The following LYST variants were observed in gnomAD, a reference collection of about 807,000 sequenced individuals.
The protein encoded by LYST is lysosomal-trafficking regulator.
A neutral mutation model predicts 413.6 loss-of-function variants in LYST; 192 were observed. The observed-to-expected ratio is 0.46, with a 90% confidence interval of 0.41 to 0.52. The LOEUF (loss-of-function observed/expected upper bound fraction) is 0.52, where lower values mean the gene tolerates loss of function less well. Among genes scored for constraint, LYST ranks in the 20% least tolerant of loss-of-function variants. The pLI, the probability that LYST is intolerant of heterozygous loss-of-function variation, is 0.00. For missense variants in LYST, 3,815 were observed against 4,499.9 expected, an observed-to-expected ratio of 0.85 and a Z score of 4.35; for synonymous variants, 1,525 against 1,567.3, an observed-to-expected ratio of 0.97 and a Z score of 0.64.
Position 235,686,839 on chromosome 1 carries a change from G to A in LYST, c.10800+110C>T. On this transcript the variant is annotated intron_variant, in intron 48 of 52. Coordinates refer to ENST00000389793, the MANE Select transcript of LYST (RefSeq NM_000081.4). The surrounding 1 kb of genome is among the most constrained non-coding windows in gnomAD (Gnocchi z 4.0). ...AGACCTAATGTAGGGAGAAGATTAA[G>A]GTATAAACATTTTAAGTTAATCTTA... 1 of 842,564 alleles carries A rather than the reference G, an allele frequency of 1.2e-6. No homozygotes were observed. The highest frequency in any genetic ancestry group is 2.1e-6 in the Non-Finnish European group (1 of 479,826). 52.2% of individuals were successfully genotyped at this position (842,564 alleles called of 1,614,324 possible).
At chr1:235,801,733 T>C (rs1384951141) in intron 8 of LYST, among the ~76,000 whole-genome samples, 1 of 152,236 alleles carries the variant, frequency 6.6e-6, no homozygotes, top group Non-Finnish European at 1.5e-5. Flanking sequence ...GTCAAATCTG[T>C]ACTATGGTAA....
At chr1:235,861,350 G>A (rs1679849676) in intron 1 of LYST, among the ~76,000 whole-genome samples, 1 of 152,096 alleles carries the variant, frequency 6.6e-6, no homozygotes, top group African/African-American at 2.4e-5. Context: ...TCAGCAGTTA[G>A]ACCTGGAAAG....
chr1:235,868,263 G>A (rs1680745582), upstream of LYST, among the ~76,000 whole-genome samples: 1 of 151,828 alleles, frequency 6.6e-6, no homozygotes. Context: ...CCTAACAAGT[G>A]CAGGAAATAA....
rs569994912 is a variant in LYST at position 235,777,342 on chromosome 1, A to G, written c.5215-34T>C. ...CAAATATTTTCATTCAGTAATGACA[A>G]CAAGTTTAAAATGCAAGCTATGAAC... On this transcript the variant is annotated intron_variant, in intron 16 of 52. Coordinates refer to ENST00000389793, the MANE Select transcript of LYST (RefSeq NM_000081.4). 50 of 1,596,346 alleles carry G rather than the reference A, an allele frequency of 3.1e-5. 1 individual carries two copies. The highest frequency in any genetic ancestry group is 2.8e-4 in the South Asian group (25 of 90,192).
At chr1:235,744,209 C>T in intron 29 of LYST, 52 bp from the exon 30 acceptor site, 1 of 964,712 alleles carries the variant, frequency 1.0e-6, no homozygotes, top group Non-Finnish European at 1.7e-6. Context: ...GCTATCTTGC[C>T]ATTATAAATA....
intron 31 of LYST, chr1:235,738,297 C>T (rs1253481592): frequency 6.2e-6 from 10 of 1,611,636 alleles, no homozygotes; most frequent in South Asian, 4.4e-5. Context: ...TGAGGCACAT[C>T]GCAAGAGGGA....
Position 235,728,094 on chromosome 1 carries a change from A to G in LYST, c.9144T>C (p.Ser3048=). Residue 3048 remains serine, a synonymous_variant, in exon 38 of 53, where the codon TCT becomes TCC. Transcript: ENST00000389793. The stretch of plus-strand genomic sequence containing the variant: ...TACTCACCGAACTTTCAACTGTATC[A>G]GAAGCATTATCTTCCACAAAATACA... The part of the protein sequence containing the change: ...CGMYFVEDNA[S]DTVESSSLQG... 6.2e-7 allele frequency: 1 copy of G among 1,612,938 alleles called. No homozygotes were observed. Among genetic ancestry groups the G allele is most frequent in the Non-Finnish European group, 8.5e-7 (1 of 1,179,028 alleles).
intron 1 of LYST, among the ~76,000 whole-genome samples, chr1:235,863,196 T>C (rs12742896): frequency 6.6e-4 from 101 of 151,956 alleles, no homozygotes; most frequent in Non-Finnish European, 1.2e-3. Context: ...ATTGAGATCA[T>C]CCAGGCTAAC....
At position 235,677,164 on chromosome 1, in the gene LYST, C is replaced by T. The variant is rs762254542; in HGVS notation, c.10965G>A (p.Ala3655=). The T allele has an allele frequency of 8.7e-6, 14 of 1,613,418 alleles. No individual in the cohort carries two copies. Among genetic ancestry groups the T allele is most frequent in the African/African-American group, 1.3e-5 (1 of 74,848 alleles). ...CAGCTGTGACAGGGCTTTTGTGTCC[C>T]GCCAGACTTTGTACATAGCATAACC... ...LNRLCYVQSL[A]GHKSPVTAVS... is the part of the protein sequence containing the mutation. The change falls in exon 50 of 53, where the codon GCG becomes GCA. Residue 3655 remains alanine (A), a synonymous_variant. Transcript: ENST00000389793.
At chr1:235,813,617 G>A (rs565824126) in intron 3 of LYST, among the ~76,000 whole-genome samples, 1 of 152,128 alleles carries the variant, frequency 6.6e-6, no homozygotes, top group African/African-American at 2.4e-5. Context: ...TGGAGGATAT[G>A]GTCCAAGCCC....
At chr1:235,820,608 C>A (rs551974505) in intron 3 of LYST, among the ~76,000 whole-genome samples, 14 of 152,164 alleles carry the variant, frequency 9.2e-5, no homozygotes, top group Non-Finnish European at 2.1e-4. Flanking sequence ...TGGGCTCAAG[C>A]AATCTGTCTG....
chr1:235,844,769 G>A (rs531168039), intron 1 of LYST, among the ~76,000 whole-genome samples: 1 of 152,004 alleles, frequency 6.6e-6, no homozygotes, highest in South Asian at 2.1e-4. Flanking sequence ...GGACCAAAGA[G>A]GGGGAGGGGG....
intron 31 of LYST, 194 bp from the exon 32 acceptor site, chr1:235,734,853 G>A (rs891446864): frequency 1.5e-5 from 7 of 454,152 alleles, no homozygotes; most frequent in African/African-American, 1.4e-4. Flanking sequence ...GAGGATTAAT[G>A]CTAATTTTGT....
intron 7 of LYST, among the ~76,000 whole-genome samples, chr1:235,803,372 G>A (rs1458045489): frequency 2.0e-5 from 3 of 152,038 alleles, no homozygotes; most frequent in Non-Finnish European, 2.9e-5. Flanking sequence ...AAACCACAAT[G>A]TGGTAAAATT....
intron 1 of LYST, among the ~76,000 whole-genome samples, chr1:235,878,196 C>G (rs1294139572): frequency 1.3e-5 from 2 of 152,160 alleles, no homozygotes; most frequent in African/African-American, 4.8e-5. Flanking sequence ...AGGCAACATC[C>G]CTGGAGCAGG....
intron 10 of LYST, among the ~76,000 whole-genome samples, chr1:235,795,687 A>C (rs1450244834): frequency 1.3e-5 from 2 of 152,200 alleles, no homozygotes; most frequent in East Asian, 3.8e-4. Context: ...CTCAGGAAAG[A>C]GGCCAAAATA....
At position 235,810,523 on chromosome 1, in the gene LYST, G is replaced by C. The variant is rs375315039; in HGVS notation, c.295C>G (p.Pro99Ala). The C allele has an allele frequency of 2.5e-6, 4 of 1,611,200 alleles. No homozygotes were observed. The highest frequency in any genetic ancestry group is 1.3e-5 in the African/African-American group (1 of 74,890). Reference protein sequence around the residue: ...QEEKATDFNLPLSADIILTKE... With the variant: ...QEEKATDFNLALSADIILTKE... ...GTCAGGATTATATCTGCTGAGAGCG[G>C]TAGGTTAAAATCTAATGGAATGAAA... The change falls in exon 5 of 53, where the codon CCG (proline) becomes GCG (alanine). Residue 99 changes from proline to alanine, a missense_variant. Transcript: ENST00000389793.
chr1:235,870,420 C>T (rs1680876534), upstream of LYST, among the ~76,000 whole-genome samples: 1 of 152,176 alleles, frequency 6.6e-6, no homozygotes, highest in Non-Finnish European at 1.5e-5. Flanking sequence ...TGTTTCTGTA[C>T]CTCACTTCCA....
intron 1 of LYST, among the ~76,000 whole-genome samples, chr1:235,855,845 A>C (rs1421269361): frequency 6.6e-6 from 1 of 152,134 alleles, no homozygotes; most frequent in African/African-American, 2.4e-5. Context: ...AGAAACAAAA[A>C]AATTAGCTTC....
Sources: allele counts gnomAD v4.1 joint callset (sites outside exome capture counted in the v4.1 genomes callset), GRCh38; gene constraint gnomAD v4.1.1; non-coding constraint Gnocchi (gnomAD v3.1); transcripts MANE v1.5; gene names NCBI Gene and HGNC (gene_info 2026-07-23, HGNC 2026-07-21).